Variants in CNTN4 observed in about 807,000 individuals in gnomAD.
CNTN4 encodes the protein contactin-4.
In CNTN4, 77 loss-of-function variants were observed where a neutral mutation model predicts 122.5. The observed-to-expected ratio is 0.63, with a 90% CI of 0.52 to 0.76. The LOEUF is 0.76. CNTN4 is among the 30% of genes least tolerant of loss of function. CNTN4 has a pLI of 0.00. For missense variants in CNTN4, 1,256 were observed against 1,259.1 expected (o/e 1.00, Z 0.04); for synonymous variants, 512 against 447.0 (o/e 1.15, Z -1.83).
In CNTN4 at chr3:2,561,923, A is replaced by G. The variant is rs896134138; in HGVS notation, c.-88-9493A>G. 5.9e-5 allele frequency among the ~76,000 whole-genome samples: 9 copies of G among 152,300 alleles called. No individual in the cohort carries two copies. The East Asian group carries it at 1.7e-3, about 29-fold the overall frequency. Reference sequence around the variant, plus strand: ...TGGGCTAAGCAGCAAAGAGTGCCATAATCAATTAGCATTGCTTTCCATAGG... The same window carrying G: ...TGGGCTAAGCAGCAAAGAGTGCCATGATCAATTAGCATTGCTTTCCATAGG... On this transcript the variant is annotated intron_variant, in intron 3 of 24. Transcript: ENST00000418658.
At chr3:2,222,132 A>G (rs907259011) in intron 2 of CNTN4, among the ~76,000 whole-genome samples, 2 of 152,214 alleles carry the variant, frequency 1.3e-5, no homozygotes, top group Non-Finnish European at 2.9e-5. Flanking sequence ...ATAGTTGCCA[A>G]AAAGTGGAAT....
chr3:2,769,691 A>C (rs961679026), intron 6 of CNTN4, among the ~76,000 whole-genome samples: 2 of 152,148 alleles, frequency 1.3e-5, no homozygotes, highest in African/African-American at 4.8e-5. Context: ...TTAAAATTCT[A>C]TTGCTCCATT....
At chr3:2,580,457 T>A (rs1471753625) in intron 4 of CNTN4, among the ~76,000 whole-genome samples, 1 of 152,144 alleles carries the variant, frequency 6.6e-6, no homozygotes, top group Non-Finnish European at 1.5e-5. Flanking sequence ...CAACAACAAC[T>A]AACATAAAGA....
At chr3:2,877,869 T>G (rs2093862773) in intron 8 of CNTN4, among the ~76,000 whole-genome samples, 1 of 152,162 alleles carries the variant, frequency 6.6e-6, no homozygotes, top group African/African-American at 2.4e-5. Flanking sequence ...GCTTTTAAAT[T>G]TAATGCAGAA....
intron 2 of CNTN4, among the ~76,000 whole-genome samples, chr3:2,103,403 C>G (rs904227223): frequency 2.6e-5 from 4 of 152,152 alleles, no homozygotes; most frequent in Non-Finnish European, 4.4e-5. Flanking sequence ...GTAACTCCCC[C>G]CACTTACACA....
chr3:2,674,433 C>G (rs904836069), intron 4 of CNTN4, among the ~76,000 whole-genome samples: 5 of 152,202 alleles, frequency 3.3e-5, no homozygotes, highest in African/African-American at 7.2e-5. Context: ...TTTAAGTTCT[C>G]TCTTGTAGCT....
intron 2 of CNTN4, among the ~76,000 whole-genome samples, chr3:2,332,771 T>C (rs1023783863): frequency 3.3e-5 from 5 of 150,758 alleles, no homozygotes; most frequent in African/African-American, 9.8e-5. Context: ...GAGATATACC[T>C]AATGCTAAAT....
At chr3:2,230,172 T>G (rs1298700700) in intron 2 of CNTN4, among the ~76,000 whole-genome samples, 1 of 152,220 alleles carries the variant, frequency 6.6e-6, no homozygotes, top group African/African-American at 2.4e-5. Flanking sequence ...CAGCAGCGCA[T>G]TGACAGCACA....
chr3:2,682,854 C>G (rs140591632), intron 4 of CNTN4, among the ~76,000 whole-genome samples: 3 of 152,116 alleles, frequency 2.0e-5, no homozygotes. Flanking sequence ...TTCCCAGTTT[C>G]ATTTCAGGAC....
At chr3:2,170,055 C>T (rs944235429) in intron 2 of CNTN4, among the ~76,000 whole-genome samples, 7 of 152,078 alleles carry the variant, frequency 4.6e-5, no homozygotes, top group Admixed American at 2.0e-4. Context: ...GGCGCGGTGG[C>T]TCACGCCTGT....
chr3:2,327,133 A>ATGTGTGTG lies in CNTN4; in HGVS notation c.-144-12033_-144-12026dup, dbSNP rs143040725. 6.4e-3 allele frequency among the ~76,000 whole-genome samples: 964 copies of ATGTGTGTG among 149,540 alleles called. 17 individuals are homozygous for ATGTGTGTG. The highest frequency in any genetic ancestry group is 0.054 in the East Asian group (273 of 5,034). ...TAGAATTACAGACTCCTGGGAATAG[A>ATGTGTGTG]TGTGTGTGTGTGTGTGTGTTTGTGT... On this transcript the variant is annotated intron_variant, in intron 2 of 24. Transcript: ENST00000418658.
intron 2 of CNTN4, among the ~76,000 whole-genome samples, chr3:2,285,214 A>C (rs1416034801): frequency 1.3e-5 from 2 of 152,142 alleles, no homozygotes; most frequent in Non-Finnish European, 2.9e-5. Context: ...AAGTACTACA[A>C]GATGAGTAAC....
chr3:2,915,706 T>C (rs2094346393), intron 12 of CNTN4, among the ~76,000 whole-genome samples: 1 of 152,178 alleles, frequency 6.6e-6, no homozygotes, highest in Non-Finnish European at 1.5e-5. Flanking sequence ...TTGGTATATA[T>C]TCAAAATAAC....
chr3:2,908,960 T>C (rs746122893), intron 12 of CNTN4, among the ~76,000 whole-genome samples: 68 of 152,212 alleles, frequency 4.5e-4, no homozygotes, highest in Non-Finnish European at 1.2e-4. Flanking sequence ...AAGTAACTGA[T>C]GGCCCAATTA....
At chr3:3,055,916 G>T (rs997520009) in intron 24 of CNTN4, among the ~76,000 whole-genome samples, 2 of 152,152 alleles carry the variant, frequency 1.3e-5, no homozygotes, top group Non-Finnish European at 2.9e-5. Flanking sequence ...CAAATGCTTT[G>T]ACAGAGGTAC....
At chr3:2,717,425 G>T (rs147608034) in intron 4 of CNTN4, among the ~76,000 whole-genome samples, 3 of 152,150 alleles carry the variant, frequency 2.0e-5, no homozygotes, top group Admixed American at 6.5e-5. Flanking sequence ...GTTTTCACAC[G>T]TGTTTTCATA....
chr3:2,864,348 G>A (rs1290987315), intron 7 of CNTN4, among the ~76,000 whole-genome samples: 1 of 151,876 alleles, frequency 6.6e-6, no homozygotes, highest in Non-Finnish European at 1.5e-5. Flanking sequence ...TCCCAATATC[G>A]ACTTTCTGGT....
At position 2,355,601 on chromosome 3, in the gene CNTN4, C is replaced by T. The variant is rs908780253; in HGVS notation, c.-89+16368C>T. Among the ~76,000 whole-genome samples the T allele has an allele frequency of 3.3e-5, 5 of 152,154 alleles. No individual in the cohort carries two copies. The East Asian group carries it at 5.8e-4, about 18-fold the overall frequency. On this transcript the variant is annotated intron_variant, in intron 3 of 24. Transcript: ENST00000418658. ...TCTCTTCTTCCCCAATCCCCTCCTGCGCCCTCCTCCAACCCCTGAAGGTAT... is the reference window on the plus strand; with the variant it reads ...TCTCTTCTTCCCCAATCCCCTCCTGTGCCCTCCTCCAACCCCTGAAGGTAT...
chr3:2,572,141 A>T (rs768036319), intron 4 of CNTN4, among the ~76,000 whole-genome samples: 2 of 152,222 alleles, frequency 1.3e-5, no homozygotes, highest in Admixed American at 6.5e-5. Flanking sequence ...TAATCCCAGC[A>T]CTTTGGGAGG....
Sources: gnomAD v4.1 joint callset for allele counts (sites outside exome capture counted in the v4.1 genomes callset) on GRCh38, gnomAD v4.1.1 for gene constraint, MANE v1.5 for transcripts, NCBI Gene and HGNC (gene_info 2026-07-23, HGNC 2026-07-21) for gene names.